SDK1: variants seen among roughly 807,000 people sequenced by gnomAD.
SDK1 encodes the protein sidekick cell adhesion molecule 1, also known as protein sidekick-1.
Under a neutral mutation model 245.5 loss-of-function variants are expected in SDK1, and 157 were observed. The observed-to-expected ratio is 0.64, with a 90% CI of 0.56 to 0.73. SDK1 has a LOEUF of 0.73. Ranked by LOEUF, SDK1 falls within the 30% of genes least tolerant of loss-of-function variation. SDK1 has a pLI of 0.00. For missense variants in SDK1, 3,583 were observed against 3,002.3 expected (o/e 1.19, Z -4.52); for synonymous variants, 1,647 against 1,278.5 (o/e 1.29, Z -6.15).
rs1414956948 is a variant in SDK1, at chr7:3,951,914, A to G, written c.1144A>G (p.Ile382Val). The change falls in exon 7 of 45, where the codon ATC becomes GTC. Residue 382 changes from isoleucine to valine, a missense_variant. Coordinates refer to ENST00000404826, the MANE Select transcript of SDK1 (RefSeq NM_152744.4). ...GGCCAGGGCGACGGCCTTTCTTTTC[A>G]TCATAGGTAATGCGGGAGCCTCTAA... ...EPARATAFLF[I>V]IEPPYFTAEP... 8.1e-6 allele frequency: 13 copies of G among 1,612,178 alleles called. No individual in the cohort carries two copies. The highest frequency in any genetic ancestry group is 1.1e-5 in the Non-Finnish European group (13 of 1,179,776).
At chr7:4,071,789 C>T (rs1001586876) in intron 20 of SDK1, among the ~76,000 whole-genome samples, 5 of 152,156 alleles carry the variant, frequency 3.3e-5, no homozygotes, top group African/African-American at 4.8e-5. Context: ...CGGGGCTGCC[C>T]GGGTAGGAAA....
chr7:3,652,653 A>G (rs1450522324), intron 4 of SDK1, among the ~76,000 whole-genome samples: 2 of 152,230 alleles, frequency 1.3e-5, no homozygotes, highest in Non-Finnish European at 2.9e-5. Flanking sequence ...GAAGCGAACT[A>G]GGGAAACATG....
chr7:3,860,337 GA>G (rs1184901211), intron 5 of SDK1, among the ~76,000 whole-genome samples: 2 of 152,066 alleles, frequency 1.3e-5, no homozygotes, highest in South Asian at 2.1e-4. Flanking sequence ...AAAAGACAAT[GA>G]AAAAAAGATG....
chr7:4,121,951 G>A (rs558683193), intron 25 of SDK1, among the ~76,000 whole-genome samples: 8 of 152,218 alleles, frequency 5.3e-5, no homozygotes, highest in Non-Finnish European at 1.2e-4. Flanking sequence ...TTATAATTGG[G>A]TTATTGATCT....
chr7:3,823,082 A>C (rs1206594231), intron 5 of SDK1, among the ~76,000 whole-genome samples: 1 of 152,212 alleles, frequency 6.6e-6, no homozygotes, highest in African/African-American at 2.4e-5. Flanking sequence ...GCCATGGAGA[A>C]TGATGCACGT....
At chr7:3,428,805 ATTTG>A (rs1779748570) in intron 1 of SDK1, among the ~76,000 whole-genome samples, 3 of 151,562 alleles carry the variant, frequency 2.0e-5, no homozygotes, top group African/African-American at 7.3e-5. Context: ...CATCATTTTT[ATTTG>A]TTTTATTCTG....
At chr7:3,811,252 A>C (rs1479174586) in intron 4 of SDK1, among the ~76,000 whole-genome samples, 1 of 152,154 alleles carries the variant, frequency 6.6e-6, no homozygotes, top group Non-Finnish European at 1.5e-5. Context: ...GTGGGAGTAA[A>C]ATCGGGGCCA....
chr7:4,109,142 C>G (rs763624534), intron 22 of SDK1, among the ~76,000 whole-genome samples: 1 of 152,156 alleles, frequency 6.6e-6, no homozygotes, highest in Non-Finnish European at 1.5e-5. Flanking sequence ...CTGCAGGTAT[C>G]TGTTAAGACA....
At chr7:3,890,115 A>C (rs1206916896) in intron 5 of SDK1, among the ~76,000 whole-genome samples, 2 of 152,214 alleles carry the variant, frequency 1.3e-5, no homozygotes, top group Non-Finnish European at 2.9e-5. Flanking sequence ...ACATGGCCCT[A>C]GCTCAGAGTC....
intron 37 of SDK1, among the ~76,000 whole-genome samples, chr7:4,209,049 T>C (rs17134615): frequency 0.16 from 24,911 of 152,132 alleles, 2,265 homozygotes; most frequent in African/African-American, 0.24. Context: ...ATTCCATGGG[T>C]TCAGCTGACC....
chr7:3,865,219 G>A (rs543800436), intron 5 of SDK1, among the ~76,000 whole-genome samples: 1 of 152,286 alleles, frequency 6.6e-6, no homozygotes, highest in Admixed American at 6.5e-5. Flanking sequence ...GGCCCAGGGG[G>A]CTGGAGGTTG....
At chr7:4,039,677 A>T (rs1242316897) in intron 17 of SDK1, among the ~76,000 whole-genome samples, 2 of 152,240 alleles carry the variant, frequency 1.3e-5, no homozygotes, top group African/African-American at 2.4e-5. Context: ...ATTTGAAGAT[A>T]TAAAACCCTA....
At chr7:3,495,460 T>C (rs917006064) in intron 1 of SDK1, among the ~76,000 whole-genome samples, 1 of 152,016 alleles carries the variant, frequency 6.6e-6, no homozygotes, top group African/African-American at 2.4e-5. Context: ...AGTTTTGCCA[T>C]GTTGCCCAGG....
At chr7:3,415,280 G>A (rs1290155947) in intron 1 of SDK1, among the ~76,000 whole-genome samples, 1 of 152,132 alleles carries the variant, frequency 6.6e-6, no homozygotes, top group African/African-American at 2.4e-5. Context: ...TTAAAATAGG[G>A]CAGACCTGGA....
intron 1 of SDK1, among the ~76,000 whole-genome samples, chr7:3,469,125 A>G (rs934457754): frequency 1.4e-4 from 22 of 152,168 alleles, no homozygotes; most frequent in African/African-American, 4.8e-4. Flanking sequence ...TTTCGTGTCA[A>G]TTATGTAATT....
At chr7:3,742,385 A>G (rs1281346228) in intron 4 of SDK1, among the ~76,000 whole-genome samples, 1 of 152,098 alleles carries the variant, frequency 6.6e-6, no homozygotes, top group East Asian at 1.9e-4. Flanking sequence ...TGTTCCTCCC[A>G]GCTCTACTTC....
At chr7:4,094,859 A>G (rs1313690798) in intron 22 of SDK1, among the ~76,000 whole-genome samples, 2 of 152,218 alleles carry the variant, frequency 1.3e-5, no homozygotes, top group Non-Finnish European at 2.9e-5. Flanking sequence ...GGCAGAGTCA[A>G]GCATCAGGAC....
chr7:3,507,924 C>T (rs1259069394), intron 1 of SDK1, among the ~76,000 whole-genome samples: 4 of 152,186 alleles, frequency 2.6e-5, no homozygotes, highest in African/African-American at 9.7e-5. Flanking sequence ...ATGGTTTAAA[C>T]CTATCTCGGT....
chr7:3,853,490 A>C (rs1160582835), intron 5 of SDK1, among the ~76,000 whole-genome samples: 3 of 152,194 alleles, frequency 2.0e-5, no homozygotes, highest in African/African-American at 7.2e-5. Context: ...TTTTATATAT[A>C]TGCATTTGTA....
Sources: allele counts gnomAD v4.1 joint callset (sites outside exome capture counted in the v4.1 genomes callset), GRCh38; gene constraint gnomAD v4.1.1; transcripts MANE v1.5; gene names NCBI Gene and HGNC (gene_info 2026-07-23, HGNC 2026-07-21).